ZNF503: variants seen among roughly 807,000 people sequenced by gnomAD.
The protein encoded by ZNF503 is NocA-like zinc finger 2.
In ZNF503, 15 loss-of-function variants were observed where a neutral mutation model predicts 34.4. That is an observed-to-expected ratio of 0.44 (90% confidence interval 0.29 to 0.67). The LOEUF (loss-of-function observed/expected upper bound fraction) is 0.67, where lower values mean the gene tolerates loss of function less well. Ranked by LOEUF, ZNF503 falls within the 30% of genes least tolerant of loss-of-function variation. ZNF503 has a pLI of 0.13. For synonymous variants in ZNF503, 580 were observed against 456.8 expected, an observed-to-expected ratio of 1.27 and a Z score of -3.44; for missense variants, 1,007 against 926.8, an observed-to-expected ratio of 1.09 and a Z score of -1.12.
the ZNF503 span, among the ~76,000 whole-genome samples, chr10:75,348,065 C>CT: frequency 8.6e-5 from 13 of 151,048 alleles, no homozygotes; most frequent in East Asian, 3.9e-4. Flanking sequence ...GTTTTCTTTT[C>CT]TTTTTTTTGT....
the ZNF503 span, among the ~76,000 whole-genome samples, chr10:75,366,962 C>T: frequency 1.3e-5 from 2 of 152,166 alleles, no homozygotes; most frequent in African/African-American, 2.4e-5. Flanking sequence ...ATTCACTTCC[C>T]ACTCCTAGGG....
the ZNF503 span, among the ~76,000 whole-genome samples, chr10:75,289,304 A>G: frequency 6.6e-6 from 1 of 152,180 alleles, no homozygotes; most frequent in Admixed American, 6.5e-5. Context: ...TCCCAGCCCT[A>G]GATTTGCCGC....
the ZNF503 span, among the ~76,000 whole-genome samples, chr10:75,280,874 CA>C: frequency 6.6e-6 from 1 of 152,038 alleles, no homozygotes; most frequent in Non-Finnish European, 1.5e-5. Flanking sequence ...AGAAATTAGG[CA>C]GGGGAAGAAA....
chr10:75,342,242 A>T, the ZNF503 span, among the ~76,000 whole-genome samples: 2 of 152,126 alleles, frequency 1.3e-5, no homozygotes, highest in Non-Finnish European at 2.9e-5. Flanking sequence ...GTTTAGAAAA[A>T]GGAGTCCCTT....
In ZNF503 at chr10:75,399,435, G is replaced by C; in HGVS notation, c.1255C>G (p.Pro419Ala). The change falls in exon 2 of 2, where the codon CCG (proline) becomes GCG (alanine). Residue 419 changes from proline (P) to alanine (A), a missense_variant. Coordinates refer to ENST00000372524, the MANE Select transcript of ZNF503 (RefSeq NM_032772.6). ...GSSPLAGASP[P>A]SVMTASLCRD... The stretch of plus-strand genomic sequence containing the variant: ...CACAAACTGGCTGTCATCACGGACG[G>C]CGGAGACGCTCCGGCCAAAGGGCTG... 1 of 1,597,020 alleles carries C rather than the reference G, an allele frequency of 6.3e-7. No individual in the cohort carries two copies. Among genetic ancestry groups the C allele is most frequent in the Non-Finnish European group, 8.5e-7 (1 of 1,176,352 alleles).
At chr10:75,356,172 A>G in the ZNF503 span, among the ~76,000 whole-genome samples, 1 of 152,172 alleles carries the variant, frequency 6.6e-6, no homozygotes, top group Non-Finnish European at 1.5e-5. Flanking sequence ...GATTCTAGAA[A>G]AGGGGGTGGC....
the ZNF503 span, among the ~76,000 whole-genome samples, chr10:75,335,236 G>A: frequency 2.0e-5 from 3 of 152,154 alleles, no homozygotes; most frequent in African/African-American, 7.2e-5. Context: ...TTAGAAAAGT[G>A]CCCAGAACAC....
chr10:75,399,235 G>C lies in ZNF503; in HGVS notation c.1455C>G (p.Ala485=). The part of the protein sequence containing the change: ...LHGVHSSLTA[A]AAAGATPPSL... ...AGGGCGGTGTGGCGCCAGCAGCCGC[G>C]GCGGCCGTTAGCGAGGAGTGCACAC... The change falls in exon 2 of 2, where the codon GCC becomes GCG. Residue 485 remains alanine (A), a synonymous_variant. Transcript: ENST00000372524. The C allele has an allele frequency of 1.9e-6, 3 of 1,590,940 alleles. No individual in the cohort carries two copies. Among genetic ancestry groups the C allele is most frequent in the Non-Finnish European group, 2.6e-6 (3 of 1,167,692 alleles).
At chr10:75,301,659 T>A in the ZNF503 span, among the ~76,000 whole-genome samples, 1 of 152,250 alleles carries the variant, frequency 6.6e-6, no homozygotes. Flanking sequence ...CTTCATTTTA[T>A]TTTCTCAGTG....
the ZNF503 span, among the ~76,000 whole-genome samples, chr10:75,297,968 AACC>A: frequency 6.6e-6 from 1 of 152,050 alleles, no homozygotes; most frequent in African/African-American, 2.4e-5. Context: ...ATTTAGGTGA[AACC>A]TACATACCGT....
the ZNF503 span, among the ~76,000 whole-genome samples, chr10:75,280,555 CGTGT>C: frequency 4.4e-3 from 649 of 146,564 alleles, 1 homozygote; most frequent in Admixed American, 7.7e-3. Context: ...GGTGTGTATG[CGTGT>C]GTGTGTGTGT....
the ZNF503 span, among the ~76,000 whole-genome samples, chr10:75,292,275 T>G: frequency 9.7e-3 from 1,485 of 152,308 alleles, 23 homozygotes; most frequent in African/African-American, 0.032. Flanking sequence ...ATTGACATGT[T>G]CCCTGAACAC....
At chr10:75,315,369 A>G in the ZNF503 span, among the ~76,000 whole-genome samples, 1 of 152,212 alleles carries the variant, frequency 6.6e-6, no homozygotes, top group African/African-American at 2.4e-5. Context: ...CAAAACAAAA[A>G]TGAAAACAAG....
At chr10:75,380,298 TG>T in the ZNF503 span, among the ~76,000 whole-genome samples, 1 of 152,198 alleles carries the variant, frequency 6.6e-6, no homozygotes, top group South Asian at 2.1e-4. Context: ...TACATAACCC[TG>T]GGAAGTTGGG....
chr10:75,350,109 T>C, the ZNF503 span, among the ~76,000 whole-genome samples: 8,893 of 152,290 alleles, frequency 0.058, 747 homozygotes, highest in African/African-American at 0.19. Context: ...TATATATGGA[T>C]TTACAGTTTC....
the ZNF503 span, among the ~76,000 whole-genome samples, chr10:75,342,448 C>G: frequency 2.0e-5 from 3 of 152,078 alleles, no homozygotes; most frequent in Non-Finnish European, 2.9e-5. Context: ...TCCTGGAAAG[C>G]TCTGAAGCTG....
At chr10:75,374,052 G>A in the ZNF503 span, among the ~76,000 whole-genome samples, 3 of 152,338 alleles carry the variant, frequency 2.0e-5, no homozygotes, top group African/African-American at 4.8e-5. Flanking sequence ...GGTGGCTCAC[G>A]TCTGTGACCC....
chr10:75,369,196 C>T, the ZNF503 span, among the ~76,000 whole-genome samples: 1 of 152,150 alleles, frequency 6.6e-6, no homozygotes, highest in South Asian at 2.1e-4. Context: ...GAAGGATACA[C>T]AAAAATTGGT....
chr10:75,324,758 C>T, the ZNF503 span, among the ~76,000 whole-genome samples: 1 of 152,182 alleles, frequency 6.6e-6, no homozygotes, highest in Non-Finnish European at 1.5e-5. Flanking sequence ...AGTTGTGCAA[C>T]AATCACCACT....
Sources: gnomAD v4.1 joint callset for allele counts (sites outside exome capture counted in the v4.1 genomes callset) on GRCh38, gnomAD v4.1.1 for gene constraint, MANE v1.5 for transcripts, NCBI Gene and HGNC (gene_info 2026-07-23, HGNC 2026-07-21) for gene names.